The following SNX4 variants were observed in gnomAD, a reference collection of about 807,000 sequenced individuals.
SNX4 encodes the protein sorting nexin-4.
Under a neutral mutation model 70.8 loss-of-function variants are expected in SNX4, and 49 were observed. That is an observed-to-expected ratio of 0.69 (90% CI 0.55 to 0.88). The LOEUF is 0.88. Ranked by LOEUF, SNX4 falls within the 40% of genes least tolerant of loss-of-function variation. The pLI, the probability that SNX4 is intolerant of heterozygous loss-of-function variation, is 0.00. For missense variants in SNX4, 528 were observed against 544.8 expected (o/e 0.97, Z 0.31); for synonymous variants, 206 against 183.8 (o/e 1.12, Z -0.98).
chr3:125,463,714 G>GATGT (rs1252194762), intron 9 of SNX4, among the ~76,000 whole-genome samples: 4 of 152,052 alleles, frequency 2.6e-5, no homozygotes, highest in African/African-American at 9.7e-5. Context: ...GTGATGTTTT[G>GATGT]ATGTATGTAT....
chr3:125,504,549 C>T, intron 2 of SNX4, 74 bp downstream of exon 2: 1 of 1,368,048 alleles, frequency 7.3e-7, no homozygotes, highest in East Asian at 2.3e-5. Flanking sequence ...TTCTGTTATA[C>T]AGCAGAGTCT....
intron 1 of SNX4, among the ~76,000 whole-genome samples, chr3:125,519,716 G>A (rs1935359086): frequency 6.6e-6 from 1 of 151,682 alleles, no homozygotes; most frequent in African/African-American, 2.4e-5. Context: ...CTCCAGCCTC[G>A]CCCATCCGGG....
chr3:125,465,358 G>C (rs1346796511), intron 9 of SNX4, among the ~76,000 whole-genome samples: 1 of 151,356 alleles, frequency 6.6e-6, no homozygotes, highest in Non-Finnish European at 1.5e-5. Flanking sequence ...TGATTCTCCT[G>C]CCTCAGCCTC....
At chr3:125,511,374 T>C (rs1301166159) in intron 1 of SNX4, among the ~76,000 whole-genome samples, 2 of 149,960 alleles carry the variant, frequency 1.3e-5, no homozygotes, top group Admixed American at 6.6e-5. Context: ...TTAGCATAAT[T>C]TTTTTTTTTT....
chr3:125,469,963 C>A (rs1245617304), intron 8 of SNX4, among the ~76,000 whole-genome samples: 6 of 151,990 alleles, frequency 3.9e-5, no homozygotes. Context: ...TAGTAGCTAA[C>A]AGAAAAAGAC....
intron 9 of SNX4, among the ~76,000 whole-genome samples, chr3:125,465,240 CTTT>C (rs76799258): frequency 7.0e-6 from 1 of 142,468 alleles, no homozygotes. Context: ...TATAGTAAAT[CTTT>C]TTTTTTTTTT....
At chr3:125,451,274 T>C in intron 13 of SNX4, 31 bp downstream of exon 13, 1 of 1,501,690 alleles carries the variant, frequency 6.7e-7, no homozygotes, top group South Asian at 1.2e-5. Flanking sequence ...TGAATATACA[T>C]ATATCTTCAC....
At chr3:125,494,132 T>C (rs1394551929) in intron 5 of SNX4, among the ~76,000 whole-genome samples, 1 of 152,062 alleles carries the variant, frequency 6.6e-6, no homozygotes, top group Non-Finnish European at 1.5e-5. Context: ...ACATTTCAAT[T>C]TGAGGACAAC....
intron 5 of SNX4, among the ~76,000 whole-genome samples, chr3:125,495,275 T>TATATATATATATAC: frequency 2.2e-4 from 18 of 83,052 alleles, no homozygotes; most frequent in South Asian, 8.8e-4. Context: ...TATATATATA[T>TATATATATATATAC]ATACACATAC....
At chr3:125,513,784 T>C (rs1446099491) in intron 1 of SNX4, among the ~76,000 whole-genome samples, 1 of 151,628 alleles carries the variant, frequency 6.6e-6, no homozygotes, top group Non-Finnish European at 1.5e-5. Flanking sequence ...TAGCTGGTAC[T>C]AGGTTAAAAA....
rs6786740 is a variant in SNX4, at chr3:125,451,292, G to C, written c.1305+13C>G. On this transcript the variant is annotated intron_variant, in intron 13 of 13. Coordinates refer to ENST00000251775, the MANE Select transcript of SNX4 (RefSeq NM_003794.4). ...ATATACATATATCTTCACTGAAACA[G>C]GAAAAACCCTACCTTTTTGCACATA... 3.2e-3 allele frequency: 5,116 copies of C among 1,583,238 alleles called. 66 individuals carry two copies. The highest frequency in any genetic ancestry group is 0.03 in the African/African-American group (2,213 of 74,348).
rs1446373043 is a variant in SNX4 at position 125,518,749 on chromosome 3, T to G, written c.141+1283A>C. On this transcript the variant is annotated intron_variant, in intron 1 of 13. Transcript: ENST00000251775. ...TGGGCATGATGGCTCACGCCTGTAA[T>G]CCCAGCACCTTGGGAGGCCGAGGAG... 7.9e-5 allele frequency among the ~76,000 whole-genome samples: 12 copies of G among 151,956 alleles called. No individual in the cohort carries two copies. In the East Asian group the frequency reaches 2.1e-3, roughly 27 times the overall value.
intron 2 of SNX4, among the ~76,000 whole-genome samples, chr3:125,499,899 A>G (rs1378470052): frequency 6.6e-6 from 1 of 152,120 alleles, no homozygotes; most frequent in Non-Finnish European, 1.5e-5. Context: ...TCTCTACTAA[A>G]AATACAAAAA....
chr3:125,477,496 G>C (rs948662079), intron 7 of SNX4, among the ~76,000 whole-genome samples: 1 of 152,116 alleles, frequency 6.6e-6, no homozygotes, highest in Non-Finnish European at 1.5e-5. Flanking sequence ...AAACAAACTG[G>C]AAGACCAAAG....
At chr3:125,500,057 T>A (rs1183902201) in intron 2 of SNX4, among the ~76,000 whole-genome samples, 6 of 151,176 alleles carry the variant, frequency 4.0e-5, no homozygotes, top group Non-Finnish European at 1.5e-5. Context: ...CGAAACTCCA[T>A]CTCAAGAAAA....
Position 125,489,396 on chromosome 3 carries a change from A to G in SNX4, c.653+12T>C. On this transcript the variant is annotated intron_variant, in intron 6 of 13. Coordinates refer to ENST00000251775, the MANE Select transcript of SNX4 (RefSeq NM_003794.4). ...AAACAACATTGTAACTGTTATTAAA[A>G]CAAAACCTTACTTGTCTGGGTTTTT... The G allele has an allele frequency of 6.2e-7, 1 of 1,607,246 alleles. No homozygotes were observed. The highest frequency in any genetic ancestry group is 1.3e-5 in the African/African-American group (1 of 74,862).
intron 1 of SNX4, among the ~76,000 whole-genome samples, chr3:125,510,102 C>T (rs1935138657): frequency 1.3e-5 from 2 of 152,328 alleles, no homozygotes; most frequent in Admixed American, 1.3e-4. Context: ...AATTCCATTT[C>T]TGCCTAATAT....
At chr3:125,499,611 C>T (rs1216881666) in intron 2 of SNX4, among the ~76,000 whole-genome samples, 2 of 151,928 alleles carry the variant, frequency 1.3e-5, no homozygotes, top group African/African-American at 2.4e-5. Flanking sequence ...AATTACAATG[C>T]CCAACTTCAG....
intron 10 of SNX4, 150 bp from the exon 11 acceptor site, chr3:125,457,515 T>C: frequency 1.6e-6 from 1 of 621,966 alleles, no homozygotes; most frequent in East Asian, 3.1e-5. Context: ...TAGCCCAACA[T>C]TAAAAATGGA....
Sources: allele counts gnomAD v4.1 joint callset (sites outside exome capture counted in the v4.1 genomes callset), GRCh38; gene constraint gnomAD v4.1.1; transcripts MANE v1.5; gene names NCBI Gene and HGNC (gene_info 2026-07-23, HGNC 2026-07-21).